NPAS3: variants seen among roughly 807,000 people sequenced by gnomAD.
NPAS3 encodes neuronal PAS domain protein 3, also known as neuronal PAS domain-containing protein 3.
NPAS3 carries 14 observed loss-of-function variants against 73.1 expected under a neutral mutation model. That is an observed-to-expected ratio of 0.19 (90% CI 0.13 to 0.30). NPAS3 has a LOEUF of 0.30. Ranked by LOEUF, NPAS3 falls within the 10% of genes least tolerant of loss-of-function variation. The probability of loss-of-function intolerance (pLI) is 1.00; values close to 1 mark genes in which losing one functional copy is unlikely to be tolerated. For missense variants in NPAS3, 1,096 were observed against 1,250.0 expected (o/e 0.88, Z 1.86); for synonymous variants, 620 against 541.5 (o/e 1.14, Z -2.01).
At chr14:33,412,952 T>C (rs1164425515) in intron 4 of NPAS3, among the ~76,000 whole-genome samples, 4 of 152,232 alleles carry the variant, frequency 2.6e-5, no homozygotes, top group African/African-American at 9.6e-5. Flanking sequence ...TTTAGTGCTG[T>C]GTAATTATTA....
At chr14:33,566,666 C>T (rs1015718697) in intron 5 of NPAS3, among the ~76,000 whole-genome samples, 3 of 152,114 alleles carry the variant, frequency 2.0e-5, no homozygotes, top group Non-Finnish European at 1.5e-5. Context: ...TATAATGCAT[C>T]GCCACCTTGA....
intron 3 of NPAS3, among the ~76,000 whole-genome samples, chr14:33,360,985 A>G (rs578139016): frequency 6.6e-6 from 1 of 152,224 alleles, no homozygotes; most frequent in Admixed American, 6.5e-5. Context: ...TAAGGGTTTC[A>G]TTGTCAAGGG....
chr14:33,634,371 C>T lies in NPAS3; in HGVS notation c.559-41840C>T, dbSNP rs141611483. Among the ~76,000 whole-genome samples the T allele has an allele frequency of 3.6e-3, 548 of 152,146 alleles. 3 individuals are homozygous for T. The highest frequency in any genetic ancestry group is 0.021 in the Middle Eastern group (6 of 292). ...GCATTTTAGGGGTTCTGTGAGGATG[C>T]GACAGAAAATAAGGTTACACACAGT... On this transcript the variant is annotated intron_variant, in intron 5 of 11. Coordinates refer to ENST00000356141, the Ensembl canonical transcript of NPAS3.
At chr14:33,095,286 C>T (rs1486741202) in intron 2 of NPAS3, among the ~76,000 whole-genome samples, 1 of 152,160 alleles carries the variant, frequency 6.6e-6, no homozygotes, top group South Asian at 2.1e-4. Context: ...GAAATTAATT[C>T]CCTAAGCTGC....
chr14:33,589,072 G>C (rs758302430), intron 5 of NPAS3, among the ~76,000 whole-genome samples: 1 of 152,108 alleles, frequency 6.6e-6, no homozygotes, highest in Non-Finnish European at 1.5e-5. Flanking sequence ...TATACTCTAC[G>C]TTTGTCCTCA....
intron 4 of NPAS3, among the ~76,000 whole-genome samples, chr14:33,434,065 G>A (rs565265139): frequency 3.3e-5 from 5 of 152,172 alleles, no homozygotes; most frequent in South Asian, 2.1e-4. Context: ...GGTGGCAGGC[G>A]CCTGTAATCC....
At chr14:33,738,513 T>C (rs1235199200) in intron 7 of NPAS3, among the ~76,000 whole-genome samples, 1 of 152,182 alleles carries the variant, frequency 6.6e-6, no homozygotes, top group Non-Finnish European at 1.5e-5. Context: ...GATGTACTTC[T>C]TTTCCAGGAC....
chr14:33,492,988 T>C (rs2051977204), intron 4 of NPAS3, among the ~76,000 whole-genome samples: 1 of 152,164 alleles, frequency 6.6e-6, no homozygotes, highest in Non-Finnish European at 1.5e-5. Flanking sequence ...GCACTCAGGA[T>C]ATGCATTTTG....
intron 2 of NPAS3, among the ~76,000 whole-genome samples, chr14:33,097,158 G>A (rs1340598159): frequency 1.3e-5 from 2 of 151,914 alleles, no homozygotes; most frequent in African/African-American, 2.4e-5. Context: ...CAGGAGGATC[G>A]CCTGAGCCCA....
intron 4 of NPAS3, among the ~76,000 whole-genome samples, chr14:33,368,413 T>C (rs2045937416): frequency 6.6e-6 from 1 of 151,970 alleles, no homozygotes; most frequent in African/African-American, 2.4e-5. Flanking sequence ...CACTTGCTCA[T>C]AGGATGCATT....
chr14:33,714,197 C>A (rs1212778197), intron 6 of NPAS3, among the ~76,000 whole-genome samples: 1 of 152,010 alleles, frequency 6.6e-6, no homozygotes, highest in East Asian at 1.9e-4. Context: ...CTCAGCATTT[C>A]ATATTTAATC....
chr14:33,556,186 A>G (rs115279709), intron 4 of NPAS3, among the ~76,000 whole-genome samples: 151 of 152,292 alleles, frequency 9.9e-4, no homozygotes, highest in African/African-American at 3.2e-3. Context: ...ACCTCCTCAA[A>G]TATTTTAGTA....
chr14:33,790,632 C>T (rs1490969430), intron 9 of NPAS3, among the ~76,000 whole-genome samples: 1 of 151,624 alleles, frequency 6.6e-6, no homozygotes, highest in Non-Finnish European at 1.5e-5. Context: ...AAAGGTATTT[C>T]TTTTTCATTT....
At chr14:33,264,387 G>A (rs1265831192) in intron 3 of NPAS3, among the ~76,000 whole-genome samples, 1 of 152,010 alleles carries the variant, frequency 6.6e-6, no homozygotes, top group Non-Finnish European at 1.5e-5. Context: ...AAACCTGCAT[G>A]CTGTGCACCT....
intron 3 of NPAS3, among the ~76,000 whole-genome samples, chr14:33,275,120 T>A (rs949023672): frequency 6.6e-6 from 1 of 152,126 alleles, no homozygotes; most frequent in Non-Finnish European, 1.5e-5. Context: ...ATCCAGATAA[T>A]AAAGTATAGC....
chr14:32,987,704 T>A (rs2038154266), intron 1 of NPAS3, among the ~76,000 whole-genome samples: 1 of 152,210 alleles, frequency 6.6e-6, no homozygotes, highest in Non-Finnish European at 1.5e-5. Context: ...CTTAAAAGTG[T>A]AAATTTTAAA....
intron 6 of NPAS3, among the ~76,000 whole-genome samples, chr14:33,690,757 T>C (rs997305135): frequency 2.6e-5 from 4 of 152,096 alleles, no homozygotes; most frequent in Non-Finnish European, 5.9e-5. Flanking sequence ...TTAATTCTAA[T>C]ATTTTTCATC....
intron 5 of NPAS3, among the ~76,000 whole-genome samples, chr14:33,660,513 T>C (rs1451146890): frequency 6.6e-6 from 1 of 152,228 alleles, no homozygotes; most frequent in East Asian, 1.9e-4. Context: ...AATTTTCCAT[T>C]TGCAAAAGGG....
At chr14:33,382,183 C>T (rs2046584643) in intron 4 of NPAS3, among the ~76,000 whole-genome samples, 1 of 152,036 alleles carries the variant, frequency 6.6e-6, no homozygotes. Flanking sequence ...AGGGTACTCA[C>T]TTCTACATGC....
Sources: gnomAD v4.1 joint callset for allele counts (sites outside exome capture counted in the v4.1 genomes callset) on GRCh38, gnomAD v4.1.1 for gene constraint, MANE v1.5 for transcripts, NCBI Gene and HGNC (gene_info 2026-07-23, HGNC 2026-07-21) for gene names.